The following UMAD1 variants were observed in gnomAD, a reference collection of about 807,000 sequenced individuals.
The protein encoded by UMAD1 is UBAP1-MVB12-associated (UMA) domain containing 1.
Under a neutral mutation model 6.1 loss-of-function variants are expected in UMAD1, and 8 were observed. The observed-to-expected ratio is 1.30, with a 90% CI of 0.76 to 2.35. UMAD1 has a LOEUF of 2.35. Among genes scored for constraint, UMAD1 ranks in the 30% most tolerant of loss-of-function variants. UMAD1 has a pLI of 0.00. For missense variants in UMAD1, 130 were observed against 78.4 expected (o/e 1.66, Z -2.49); for synonymous variants, 56 against 31.4 (o/e 1.78, Z -2.61).
At chr7:7,692,871 G>T (rs28912718) in intron 2 of UMAD1, among the ~76,000 whole-genome samples, 1 of 152,186 alleles carries the variant, frequency 6.6e-6, no homozygotes, top group East Asian at 1.9e-4. Context: ...CTTCCCACAG[G>T]GCTGGGATTA....
intron 3 of UMAD1, among the ~76,000 whole-genome samples, chr7:7,871,496 C>G (rs191337703): frequency 2.0e-5 from 3 of 152,124 alleles, no homozygotes; most frequent in Non-Finnish European, 2.9e-5. Context: ...TAATACGGGA[C>G]TAATAGGAGC....
intron 2 of UMAD1, chr7:7,692,422 T>C (rs909841633): frequency 6.6e-6 from 1 of 152,024 alleles, no homozygotes; most frequent in Admixed American, 6.6e-5. Flanking sequence ...CCAGAGAAAA[T>C]AGGCAAATGG....
At chr7:7,716,255 A>C (rs371866133) in intron 2 of UMAD1, among the ~76,000 whole-genome samples, 1 of 152,192 alleles carries the variant, frequency 6.6e-6, no homozygotes, top group African/African-American at 2.4e-5. Flanking sequence ...AGGATTCGAT[A>C]TTATTACAAC....
chr7:7,703,261 TA>T, intron 2 of UMAD1, among the ~76,000 whole-genome samples: 1 of 152,328 alleles, frequency 6.6e-6, no homozygotes, highest in Admixed American at 6.5e-5. Flanking sequence ...GCTTCTATAA[TA>T]AAAATAATGT....
intron 1 of UMAD1, among the ~76,000 whole-genome samples, chr7:7,671,224 C>G (rs1448762810): frequency 6.6e-6 from 1 of 152,170 alleles, no homozygotes; most frequent in Non-Finnish European, 1.5e-5. Context: ...AATAGCCAGA[C>G]CTAAAATTTT....
chr7:7,804,950 C>T (rs979162356), intron 3 of UMAD1, among the ~76,000 whole-genome samples: 1 of 151,964 alleles, frequency 6.6e-6, no homozygotes, highest in African/African-American at 2.4e-5. Flanking sequence ...CACTGCACTC[C>T]AGCCTGGGCG....
intron 2 of UMAD1, among the ~76,000 whole-genome samples, chr7:7,763,849 C>G (rs1030673406): frequency 6.6e-6 from 1 of 152,140 alleles, no homozygotes; most frequent in Non-Finnish European, 1.5e-5. Context: ...AATACAGCCT[C>G]TAGGAAGATA....
intron 1 of UMAD1, among the ~76,000 whole-genome samples, chr7:7,644,656 C>G (rs1785056003): frequency 6.6e-6 from 1 of 152,102 alleles, no homozygotes; most frequent in Non-Finnish European, 1.5e-5. Flanking sequence ...TCACTTGTCA[C>G]CTTAAGTTTA....
At chr7:7,650,353 G>A (rs982996372) in intron 1 of UMAD1, among the ~76,000 whole-genome samples, 2 of 152,090 alleles carry the variant, frequency 1.3e-5, no homozygotes, top group Non-Finnish European at 1.5e-5. Flanking sequence ...TTTCATTCGA[G>A]TTCTCAAAGC....
rs77155679 is a variant in UMAD1 at position 7,795,245 on chromosome 7, C to T, written c.83-6425C>T. 8.4e-3 allele frequency among the ~76,000 whole-genome samples: 1,278 copies of T among 152,322 alleles called. 12 individuals carry two copies. The highest frequency in any genetic ancestry group is 0.014 in the Non-Finnish European group (957 of 68,030). ...GGGTCATGGACACACACATTGGATC[C>T]GAATAAACCTCTCCAAATATTTTAC... On this transcript the variant is annotated intron_variant, in intron 2 of 3. Coordinates refer to ENST00000682710, the MANE Select transcript of UMAD1 (RefSeq NM_001302348.2).
At chr7:7,766,399 C>T (rs1405582741) in intron 2 of UMAD1, among the ~76,000 whole-genome samples, 2 of 152,080 alleles carry the variant, frequency 1.3e-5, no homozygotes, top group African/African-American at 4.8e-5. Flanking sequence ...TTTCAAACTC[C>T]GTAGTGAATA....
intron 2 of UMAD1, among the ~76,000 whole-genome samples, chr7:7,732,016 A>G (rs966002523): frequency 6.6e-6 from 1 of 152,066 alleles, no homozygotes; most frequent in African/African-American, 2.4e-5. Flanking sequence ...TGAGATAAAT[A>G]TTAATGACCA....
At chr7:7,774,524 G>A in intron 2 of UMAD1, among the ~76,000 whole-genome samples, 1 of 152,216 alleles carries the variant, frequency 6.6e-6, no homozygotes, top group East Asian at 1.9e-4. Context: ...GAGAGCTTGA[G>A]AATGTGAAAG....
chr7:7,827,581 C>T (rs1325878917), intron 3 of UMAD1, among the ~76,000 whole-genome samples: 2 of 151,924 alleles, frequency 1.3e-5, no homozygotes, highest in African/African-American at 2.4e-5. Context: ...ATTTTACTTA[C>T]CAACTAAAGA....
intron 2 of UMAD1, among the ~76,000 whole-genome samples, chr7:7,705,680 G>T (rs1486806564): frequency 6.6e-6 from 1 of 152,012 alleles, no homozygotes; most frequent in Non-Finnish European, 1.5e-5. Flanking sequence ...GGATTTTTAG[G>T]GTAGTGAAAC....
At chr7:7,693,004 A>T (rs1314045258) in intron 2 of UMAD1, among the ~76,000 whole-genome samples, 1 of 152,180 alleles carries the variant, frequency 6.6e-6, no homozygotes, top group Non-Finnish European at 1.5e-5. Context: ...CATTTACCTA[A>T]GGACCATATG....
chr7:7,676,274 C>T (rs1301612400), intron 2 of UMAD1: 2 of 397,484 alleles, frequency 5.0e-6, no homozygotes, highest in East Asian at 3.6e-5. Context: ...GTACCTACCC[C>T]ATGAAGTTAT....
In UMAD1 at chr7:7,654,382, G is replaced by T. The variant is rs76013433; in HGVS notation, c.-64+13561G>T. ...CTTAGGTGAAGTTGTTAGTTTTCAA[G>T]ATGACTTTATCATATGGATATGGGA... On this transcript the variant is annotated intron_variant, in intron 1 of 3. Coordinates refer to ENST00000682710, the MANE Select transcript of UMAD1 (RefSeq NM_001302348.2). 3.6e-3 allele frequency among the ~76,000 whole-genome samples: 544 copies of T among 152,312 alleles called. 8 individuals are homozygous for T. The highest frequency in any genetic ancestry group is 0.012 in the African/African-American group (519 of 41,552).
chr7:7,870,343 T>G (rs776378978), intron 3 of UMAD1, among the ~76,000 whole-genome samples: 4 of 152,178 alleles, frequency 2.6e-5, no homozygotes, highest in Non-Finnish European at 5.9e-5. Context: ...TCAGAAACAT[T>G]ATGATAGCAT....
Sources: allele counts gnomAD v4.1 joint callset (sites outside exome capture counted in the v4.1 genomes callset), GRCh38; gene constraint gnomAD v4.1.1; transcripts MANE v1.5; gene names NCBI Gene and HGNC (gene_info 2026-07-23, HGNC 2026-07-21).